Variants in RABGAP1L observed in about 807,000 individuals in gnomAD.
The protein encoded by RABGAP1L is RAB GTPase activating protein 1 like.
Under a neutral mutation model 137.7 loss-of-function variants are expected in RABGAP1L, and 63 were observed. The observed-to-expected ratio is 0.46, with a 90% confidence interval of 0.37 to 0.56. RABGAP1L has a LOEUF of 0.56. Among genes scored for constraint, RABGAP1L ranks in the 20% least tolerant of loss-of-function variants. The probability of loss-of-function intolerance (pLI) is 0.00; values close to 1 mark genes in which losing one functional copy is unlikely to be tolerated. For synonymous variants in RABGAP1L, 431 were observed against 433.7 expected, an observed-to-expected ratio of 0.99 and a Z score of 0.08; for missense variants, 1,095 against 1,244.0, an observed-to-expected ratio of 0.88 and a Z score of 1.80.
At chr1:174,588,480 T>A (rs1220111459) in intron 13 of RABGAP1L, among the ~76,000 whole-genome samples, 1 of 152,190 alleles carries the variant, frequency 6.6e-6, no homozygotes, top group African/African-American at 2.4e-5. Context: ...TAGTTATTTT[T>A]AAATGTACAA....
chr1:174,571,981 A>G (rs2148052574), intron 13 of RABGAP1L, among the ~76,000 whole-genome samples: 1 of 152,332 alleles, frequency 6.6e-6, no homozygotes, highest in Non-Finnish European at 1.5e-5. Flanking sequence ...AAAATATAAG[A>G]AATTTTGATA....
chr1:174,819,186 C>CAAA (rs1553257374), intron 19 of RABGAP1L, among the ~76,000 whole-genome samples: 2 of 60,034 alleles, frequency 3.3e-5, no homozygotes, highest in Non-Finnish European at 5.7e-5. Flanking sequence ...CTGCCTGTCT[C>CAAA]TAAAAAAAAA....
Position 174,332,783 on chromosome 1 carries a change from T to A in RABGAP1L, c.1465+27656T>A, listed in dbSNP as rs187032585. On this transcript the variant is annotated intron_variant, in intron 11 of 25. Coordinates refer to ENST00000681986, the MANE Select transcript of RABGAP1L (RefSeq NM_001366446.1). ...ACAGTGTGGAGGTTCCCCAGAAAAT[T>A]ATAAAAGTTAAAAAAAAACTGATCC... Among the ~76,000 whole-genome samples, 126 of 152,030 alleles carry A rather than the reference T, an allele frequency of 8.3e-4. 2 individuals carry two copies. In the East Asian group the frequency reaches 0.022, roughly 27 times the overall value.
chr1:174,717,974 G>A (rs1681160533), intron 17 of RABGAP1L, among the ~76,000 whole-genome samples: 1 of 152,154 alleles, frequency 6.6e-6, no homozygotes, highest in Non-Finnish European at 1.5e-5. Context: ...GGAGGCAGAT[G>A]GGGTGGGCTT....
chr1:174,221,048 G>A lies in RABGAP1L; in HGVS notation c.215G>A (p.Ser72Asn). 16 of 1,613,912 alleles carry A rather than the reference G, an allele frequency of 9.9e-6. No individual in the cohort carries two copies. Among genetic ancestry groups the A allele is most frequent in the Non-Finnish European group, 1.3e-5 (15 of 1,179,902 alleles). Residue 72 changes from serine to asparagine, a missense_variant, in exon 3 of 26, where the codon AGT (serine) becomes AAT (asparagine). Around this residue, in one of 4 missense-constraint regions of RABGAP1L, gnomAD observed 356 missense variants for 326.3 expected, o/e 1.09. Coordinates refer to ENST00000681986, the MANE Select transcript of RABGAP1L (RefSeq NM_001366446.1). ...AGAGATTCCGAGAAAAGGCCAAGCA[G>A]TCTTCTTGTTGATTGTCAAAGTTCC... ...ILRDSEKRPS[S>N]LLVDCQSSSE...
intron 13 of RABGAP1L, among the ~76,000 whole-genome samples, chr1:174,584,472 A>C (rs368306109): frequency 1.2e-4 from 18 of 152,306 alleles, no homozygotes; most frequent in African/African-American, 4.3e-4. Flanking sequence ...TCATGCCTGC[A>C]ATCCTGGTGC....
rs536756413 is a variant in RABGAP1L at position 174,463,180 on chromosome 1, A to G, written c.1710+69035A>G. Among the ~76,000 whole-genome samples, 1,179 of 152,258 alleles carry G rather than the reference A, an allele frequency of 7.7e-3. 11 individuals are homozygous for G. The highest frequency in any genetic ancestry group is 0.026 in the African/African-American group (1,089 of 41,516). Reference sequence around the variant, plus strand: ...TTACTGGGTATATACCCAAAGGACTATAAATCATGCTGCTATAAAGACACG... The same window carrying G: ...TTACTGGGTATATACCCAAAGGACTGTAAATCATGCTGCTATAAAGACACG... On this transcript the variant is annotated intron_variant, in intron 13 of 25. Transcript: ENST00000681986.
intron 10 of RABGAP1L, among the ~76,000 whole-genome samples, chr1:174,296,774 C>T (rs575553997): frequency 3.3e-5 from 5 of 152,074 alleles, no homozygotes; most frequent in African/African-American, 4.8e-5. Context: ...ATGTTGATAC[C>T]AGCTGTTGCT....
chr1:174,936,164 C>T (rs1421485129), intron 19 of RABGAP1L, among the ~76,000 whole-genome samples: 2 of 151,910 alleles, frequency 1.3e-5, no homozygotes, highest in Non-Finnish European at 2.9e-5. Context: ...ATGATATTTA[C>T]CAAGGAAAGA....
intron 14 of RABGAP1L, among the ~76,000 whole-genome samples, chr1:174,641,168 A>G (rs1674505513): frequency 6.6e-6 from 1 of 151,978 alleles, no homozygotes; most frequent in African/African-American, 2.4e-5. Flanking sequence ...CAATAAGTTT[A>G]GAAATCAACT....
At chr1:174,193,989 A>G (rs2148349234) in intron 1 of RABGAP1L, among the ~76,000 whole-genome samples, 1 of 152,292 alleles carries the variant, frequency 6.6e-6, no homozygotes, top group South Asian at 2.1e-4. Flanking sequence ...CCATCTGAAA[A>G]AAATTAAGGC....
chr1:174,174,982 A>G (rs1310846240), intron 1 of RABGAP1L, among the ~76,000 whole-genome samples: 4 of 152,214 alleles, frequency 2.6e-5, no homozygotes, highest in African/African-American at 9.6e-5. Context: ...AAAACTAGCT[A>G]TCACAGTAAA....
intron 13 of RABGAP1L, among the ~76,000 whole-genome samples, chr1:174,451,151 C>G (rs988364827): frequency 1.3e-5 from 2 of 152,190 alleles, no homozygotes; most frequent in African/African-American, 4.8e-5. Context: ...TTCTTGTCCC[C>G]TGTTTGCCAG....
intron 14 of RABGAP1L, among the ~76,000 whole-genome samples, chr1:174,680,160 A>G (rs1677945037): frequency 2.0e-5 from 3 of 152,362 alleles, no homozygotes; most frequent in East Asian, 3.9e-4. Flanking sequence ...TATTTGTAAT[A>G]TGCATGTCTG....
At chr1:174,575,162 T>C (rs557761060) in intron 13 of RABGAP1L, among the ~76,000 whole-genome samples, 104 of 152,308 alleles carry the variant, frequency 6.8e-4, no homozygotes, top group African/African-American at 2.4e-3. Flanking sequence ...ACTCCCGACC[T>C]CAGGTGATCC....
intron 14 of RABGAP1L, among the ~76,000 whole-genome samples, chr1:174,680,409 C>T (rs978122834): frequency 3.3e-5 from 5 of 152,096 alleles, no homozygotes; most frequent in Non-Finnish European, 5.9e-5. Flanking sequence ...ACCAGGAAAC[C>T]GACCCTCATC....
rs147145926 is a variant in RABGAP1L at position 174,516,928 on chromosome 1, AAAATAAAT to A, written c.1711-120411_1711-120404del. Among the ~76,000 whole-genome samples the A allele has an allele frequency of 5.7e-3, 806 of 141,124 alleles. 11 individuals carry two copies. The highest frequency in any genetic ancestry group is 0.018 in the Middle Eastern group (5 of 282). 92.6% of individuals were successfully genotyped at this position (141,124 alleles called of 152,430 possible). ...GGTGACAGAGCGAGACTCTGTCTCA[AAAATAAAT>A]AAATAAATAAATAAATAAATAAATA... On this transcript the variant is annotated intron_variant, in intron 13 of 25. Coordinates refer to ENST00000681986, the MANE Select transcript of RABGAP1L (RefSeq NM_001366446.1).
At chr1:174,228,319 TTATTTA>T (rs1670357474) in intron 3 of RABGAP1L, among the ~76,000 whole-genome samples, 1 of 151,994 alleles carries the variant, frequency 6.6e-6, no homozygotes, top group African/African-American at 2.4e-5. Flanking sequence ...TTTTCTCTTT[TTATTTA>T]TATTATTTTT....
chr1:174,537,966 G>A (rs1247987350), intron 13 of RABGAP1L, among the ~76,000 whole-genome samples: 3 of 152,224 alleles, frequency 2.0e-5, no homozygotes, highest in East Asian at 1.9e-4. Flanking sequence ...GCTGCCAGAT[G>A]AATCTCCTTG....
Sources: gnomAD v4.1 joint callset for allele counts (sites outside exome capture counted in the v4.1 genomes callset) on GRCh38, gnomAD v4.1.1 for gene constraint, gnomAD v4.1.1 regional missense constraint, MANE v1.5 for transcripts, NCBI Gene and HGNC (gene_info 2026-07-23, HGNC 2026-07-21) for gene names.